The following CAAP1 variants were observed in gnomAD, a reference collection of about 807,000 sequenced individuals.
CAAP1 encodes conserved anti-apoptotic protein.
CAAP1 carries 20 observed loss-of-function variants against 34.0 expected under a neutral mutation model. The ratio of observed to expected loss-of-function variants is 0.59; its 90% confidence interval spans 0.41 to 0.86. The LOEUF (loss-of-function observed/expected upper bound fraction) is 0.86, where lower values mean the gene tolerates loss of function less well. Ranked by LOEUF, CAAP1 falls within the 40% of genes least tolerant of loss-of-function variation. CAAP1 has a pLI of 0.00. For missense variants in CAAP1, 538 were observed against 450.5 expected, an observed-to-expected ratio of 1.19 and a Z score of -1.76; for synonymous variants, 213 against 166.7, an observed-to-expected ratio of 1.28 and a Z score of -2.14.
intron 3 of CAAP1, 35 bp from the exon 4 acceptor site, chr9:26,884,920 A>G (rs769466061): frequency 7.1e-7 from 1 of 1,409,266 alleles, no homozygotes. Flanking sequence ...AAGCACACTT[A>G]TAAAAACATT....
At chr9:26,854,001 T>C (rs1445090856) in intron 5 of CAAP1, among the ~76,000 whole-genome samples, 1 of 152,158 alleles carries the variant, frequency 6.6e-6, no homozygotes, top group Non-Finnish European at 1.5e-5. Flanking sequence ...TGTATTAAAC[T>C]CTTTTTCTTC....
chr9:26,878,942 T>A (rs1461045221), intron 4 of CAAP1, among the ~76,000 whole-genome samples: 3 of 152,222 alleles, frequency 2.0e-5, no homozygotes, highest in Admixed American at 2.0e-4. Context: ...AAATCTTACC[T>A]GCAACCAACA....
chr9:26,892,307 T>A (rs1416642685), intron 1 of CAAP1, 106 bp downstream of exon 1: 4 of 1,542,306 alleles, frequency 2.6e-6, no homozygotes, highest in East Asian at 2.4e-5. Flanking sequence ...ACCTTGAGAT[T>A]GCCGCGCTAG....
In CAAP1 at chr9:26,884,864, T is replaced by C. The variant is rs1823691051; in HGVS notation, c.611A>G (p.Asp204Gly). ...ILEGDNGMDS[D>G]MEEEADDGSK... ...ACCATCATCTGCTTCCTCTTCCATA[T>C]CAGAGTCCATTCCATTGTCACCTTA... Residue 204 changes from aspartate (D) to glycine (G), a missense_variant, in exon 4 of 6, where the codon GAT becomes GGT. Physicochemically the swap from Asp to Gly is moderately conservative, Grantham distance 94. This residue lies in a region of CAAP1 where 514 missense variants were observed against 408.4 expected (regional missense o/e 1.26). Coordinates refer to ENST00000333916, the MANE Select transcript of CAAP1 (RefSeq NM_024828.4). 1 of 1,608,522 alleles carries C rather than the reference T, an allele frequency of 6.2e-7. No individual in the cohort carries two copies. Among genetic ancestry groups the C allele is most frequent in the South Asian group, 1.1e-5 (1 of 90,946 alleles).
Position 26,892,427 on chromosome 9 carries a change from C to T in CAAP1, c.289G>A (p.Gly97Ser), listed in dbSNP as rs745984338. ...RRSTDSSSVS[G>S]SLQQETKYIL... ...CGCGCACGCACCTGCTGCAAGGAGCCCGAGACGCTGGAAGAGTCGGTACTC... is the reference window on the plus strand; with the variant it reads ...CGCGCACGCACCTGCTGCAAGGAGCTCGAGACGCTGGAAGAGTCGGTACTC... Residue 97 changes from glycine to serine, a missense_variant, in exon 1 of 6, where the codon GGC (glycine) becomes AGC (serine). Coordinates refer to ENST00000333916, the MANE Select transcript of CAAP1 (RefSeq NM_024828.4). 2.1e-5 allele frequency: 34 copies of T among 1,604,130 alleles called. No individual in the cohort carries two copies. Among genetic ancestry groups the T allele is most frequent in the African/African-American group, 1.3e-5 (1 of 74,942 alleles).
intron 5 of CAAP1, among the ~76,000 whole-genome samples, chr9:26,854,885 C>CACTA (rs1269836200): frequency 1.3e-5 from 2 of 152,158 alleles, no homozygotes; most frequent in Non-Finnish European, 2.9e-5. Context: ...AAAACACTGA[C>CACTA]ACTACCAAAT....
rs1044871849 is a variant in CAAP1 at position 26,892,711 on chromosome 9, G to A, written c.5C>T (p.Thr2Met). 6 of 1,591,914 alleles carry A rather than the reference G, an allele frequency of 3.8e-6. No homozygotes were observed. Among genetic ancestry groups the A allele is most frequent in the South Asian group, 1.1e-5 (1 of 89,836 alleles). ...TTTCTCCCGGGAGGACTTTTTCCCC[G>A]TCATGATCCCTCTGCTGCAACCATC... Reference protein sequence around the residue: MTGKKSSREKRR... With the variant: MMGKKSSREKRR... Residue 2 changes from threonine to methionine, a missense_variant, in exon 1 of 6, where the codon ACG becomes ATG. By Grantham distance (81) the Thr-to-Met change is moderately conservative. Transcript: ENST00000333916.
intron 4 of CAAP1, among the ~76,000 whole-genome samples, chr9:26,879,949 A>G (rs1037067958): frequency 1.3e-5 from 2 of 152,038 alleles, no homozygotes; most frequent in African/African-American, 4.8e-5. Flanking sequence ...TGATCGTGTG[A>G]CTCAATTCTC....
At chr9:26,862,580 T>C (rs1280526184) in intron 4 of CAAP1, among the ~76,000 whole-genome samples, 2 of 151,996 alleles carry the variant, frequency 1.3e-5, no homozygotes, top group African/African-American at 4.8e-5. Context: ...TGGAAATGAG[T>C]AATGTTCTGT....
At chr9:26,848,523 G>A (rs1962468) in intron 5 of CAAP1, among the ~76,000 whole-genome samples, 43,161 of 151,404 alleles carry the variant, frequency 0.29, 7,484 homozygotes, top group East Asian at 0.74. Flanking sequence ...CTCAAAAAAA[G>A]AAAAAATAGT....
chr9:26,887,032 G>A (rs977460221), intron 2 of CAAP1, among the ~76,000 whole-genome samples: 7 of 152,030 alleles, frequency 4.6e-5, no homozygotes, highest in African/African-American at 7.3e-5. Context: ...TGGCCAACAC[G>A]GTGAAACCCC....
chr9:26,863,940 C>T (rs1396170573), intron 4 of CAAP1, among the ~76,000 whole-genome samples: 1 of 152,062 alleles, frequency 6.6e-6, no homozygotes, highest in Non-Finnish European at 1.5e-5. Context: ...TACAGATGTA[C>T]ACCATCATGC....
chr9:26,887,445 T>G lies in CAAP1; in HGVS notation c.372A>C (p.Glu124Asp). ...ATGACACAGTCAGGTCCAGTCCACC[T>G]TCTTCAAGGTCACTGTGCTCTGCCA... ...LFLAEHSDLE[E>D]GGLDLTVSLK... The change falls in exon 2 of 6, where the codon GAA (glutamate) becomes GAC (aspartate). Residue 124 changes from glutamate to aspartate, a missense_variant. Transcript: ENST00000333916. The G allele has an allele frequency of 1.2e-6, 2 of 1,613,724 alleles. No individual in the cohort carries two copies. Among genetic ancestry groups the G allele is most frequent in the Non-Finnish European group, 1.7e-6 (2 of 1,179,922 alleles).
intron 5 of CAAP1, among the ~76,000 whole-genome samples, chr9:26,848,483 T>C (rs1229399196): frequency 3.3e-5 from 5 of 152,052 alleles, no homozygotes; most frequent in African/African-American, 1.2e-4. Flanking sequence ...ACCACTGCAC[T>C]CCAGCCTGCG....
intron 4 of CAAP1, among the ~76,000 whole-genome samples, chr9:26,866,395 T>C (rs1823139973): frequency 6.6e-6 from 1 of 152,178 alleles, no homozygotes; most frequent in African/African-American, 2.4e-5. Context: ...ATGTATAGAA[T>C]ATCTGTGGGA....
At chr9:26,879,079 T>C (rs1485118731) in intron 4 of CAAP1, among the ~76,000 whole-genome samples, 1 of 152,234 alleles carries the variant, frequency 6.6e-6, no homozygotes, top group African/African-American at 2.4e-5. Context: ...ACTGATTCTT[T>C]GAGATTTGTA....
chr9:26,851,712 A>G (rs1587091856), intron 5 of CAAP1, among the ~76,000 whole-genome samples: 2 of 152,240 alleles, frequency 1.3e-5, no homozygotes, highest in South Asian at 4.1e-4. Context: ...TAAAAGTTTG[A>G]TATCAAAAAT....
intron 5 of CAAP1, among the ~76,000 whole-genome samples, chr9:26,854,860 G>C (rs745544955): frequency 6.6e-6 from 1 of 152,274 alleles, no homozygotes; most frequent in Non-Finnish European, 1.5e-5. Context: ...ATGCCTATTA[G>C]AATGACCAAA....
chr9:26,885,146 G>A (rs940755843), intron 3 of CAAP1, among the ~76,000 whole-genome samples: 3 of 147,054 alleles, frequency 2.0e-5, no homozygotes, highest in South Asian at 2.1e-4. Flanking sequence ...GCATGACCTC[G>A]GCTCACTGCA....
Sources: gnomAD v4.1 joint callset for allele counts (sites outside exome capture counted in the v4.1 genomes callset) on GRCh38, gnomAD v4.1.1 for gene constraint, gnomAD v4.1.1 regional missense constraint, MANE v1.5 for transcripts, NCBI Gene and HGNC (gene_info 2026-07-23, HGNC 2026-07-21) for gene names.